RFESD: variants seen among roughly 807,000 people sequenced by gnomAD.
RFESD encodes the protein Rieske domain-containing protein.
In RFESD, 16 loss-of-function variants were observed where a neutral mutation model predicts 24.4. The ratio of observed to expected loss-of-function variants is 0.66; its 90% CI spans 0.44 to 1.00. The LOEUF (loss-of-function observed/expected upper bound fraction) is 1.00, where lower values mean the gene tolerates loss of function less well. Ranked by LOEUF, RFESD falls within the 50% of genes least tolerant of loss-of-function variation. The pLI, the probability that RFESD is intolerant of heterozygous loss-of-function variation, is 0.00. For synonymous variants in RFESD, 59 were observed against 81.8 expected, an observed-to-expected ratio of 0.72 and a Z score of 1.50; for missense variants, 208 against 247.0, an observed-to-expected ratio of 0.84 and a Z score of 1.06.
Position 95,656,900 on chromosome 5 carries a change from T to C in RFESD, c.*591T>C, listed in dbSNP as rs1750795583. On this transcript the variant is annotated 3_prime_UTR_variant, in exon 6 of 6. Coordinates refer to ENST00000380005, the MANE Select transcript of RFESD (RefSeq NM_001131066.2). ...TGTTCACCTCTGAACTGTGCAACCT[T>C]CCTAAATAACAGACTTTTTATACTT... 1 of 152,152 alleles carries C rather than the reference T, an allele frequency of 6.6e-6. No homozygotes were observed. The highest frequency in any genetic ancestry group is 6.5e-5 in the Admixed American group (1 of 15,276). The allele number at this position is 152,152 out of a possible 1,614,324, so 9.4% of individuals were successfully genotyped here.
intron 1 of RFESD, among the ~76,000 whole-genome samples, chr5:95,650,751 T>C (rs1347046790): frequency 2.6e-5 from 4 of 152,122 alleles, no homozygotes; most frequent in Admixed American, 1.3e-4. Context: ...GACTGGCCCA[T>C]AGTGTGTAAC....
At chr5:95,651,211 A>G (rs752485634) in intron 1 of RFESD, among the ~76,000 whole-genome samples, 5 of 152,174 alleles carry the variant, frequency 3.3e-5, no homozygotes, top group Non-Finnish European at 5.9e-5. Flanking sequence ...GGAAAGGTAC[A>G]TTATCATGTT....
chr5:95,649,840 T>G (rs1207371912), intron 1 of RFESD, among the ~76,000 whole-genome samples: 1 of 152,256 alleles, frequency 6.6e-6, no homozygotes, highest in Non-Finnish European at 1.5e-5. Flanking sequence ...CTCAAGAGTT[T>G]GTCAGTTATA....
chr5:95,656,176 G>T lies in RFESD; in HGVS notation c.500G>T (p.Gly167Val), dbSNP rs538142896. 6.2e-7 allele frequency: 1 copy of T among 1,614,034 alleles called. No homozygotes were observed. The highest frequency in any genetic ancestry group is 1.1e-5 in the South Asian group (1 of 91,080). ...GCAAAACCCAAGTGGTGCTCCAAAG[G>T]AATAAAGCAAAGGATTCACACAGTG... ...PSAKPKWCSKGIKQRIHTVTV... is the reference protein window; with the variant it reads ...PSAKPKWCSKVIKQRIHTVTV... Residue 167 changes from glycine (G) to valine (V), a missense_variant, in exon 6 of 6, where the codon GGA (glycine) becomes GTA (valine). By Grantham distance (109) the Gly-to-Val change is moderately radical. Coordinates refer to ENST00000380005, the MANE Select transcript of RFESD (RefSeq NM_001131066.2).
intron 1 of RFESD, among the ~76,000 whole-genome samples, chr5:95,650,508 T>G (rs1750265585): frequency 6.6e-6 from 1 of 152,234 alleles, no homozygotes; most frequent in African/African-American, 2.4e-5. Context: ...ATAAATTCTC[T>G]TTTTCTAAAG....
Position 95,657,286 on chromosome 5 carries a change from G to T in RFESD, c.*977G>T, listed in dbSNP as rs748022086. On this transcript the variant is annotated 3_prime_UTR_variant, in exon 6 of 6. Transcript: ENST00000380005. ...GGTTTTATCATGTCAGTTATTTATGGTCAGTACCATTCAGTTGCAATGATG... is the reference window on the plus strand; with the variant it reads ...GGTTTTATCATGTCAGTTATTTATGTTCAGTACCATTCAGTTGCAATGATG... The T allele has an allele frequency of 6.6e-6, 1 of 151,886 alleles. No individual in the cohort carries two copies. The highest frequency in any genetic ancestry group is 1.5e-5 in the Non-Finnish European group (1 of 67,988). 9.4% of individuals were successfully genotyped at this position (151,886 alleles called of 1,614,324 possible).
chr5:95,651,880 G>T (rs1309160682), intron 1 of RFESD, among the ~76,000 whole-genome samples: 1 of 152,102 alleles, frequency 6.6e-6, no homozygotes, highest in African/African-American at 2.4e-5. Context: ...GAGTAGTAAT[G>T]GTTATATTCT....
Position 95,657,741 on chromosome 5 carries a change from A to G in RFESD, c.*1432A>G, listed in dbSNP as rs534021168. The G allele has an allele frequency of 3.3e-5, 5 of 152,290 alleles. No homozygotes were observed. The highest frequency in any genetic ancestry group is 2.1e-4 in the South Asian group (1 of 4,826). 9.4% of individuals were successfully genotyped at this position (152,290 alleles called of 1,614,324 possible). The stretch of plus-strand genomic sequence containing the variant: ...TTGGTCCTCATTTCTCAGACAACCA[A>G]CGAACCAGACTTGGGCTTTTTATAG... On this transcript the variant is annotated 3_prime_UTR_variant, in exon 6 of 6. Transcript: ENST00000380005.
chr5:95,648,417 G>A (rs1157722851), intron 1 of RFESD, among the ~76,000 whole-genome samples: 1 of 152,042 alleles, frequency 6.6e-6, no homozygotes, highest in African/African-American at 2.4e-5. Context: ...ACTTAAAATC[G>A]AAACATATTG....
intron 1 of RFESD, chr5:95,647,700 T>TA (rs1304388989): frequency 6.6e-6 from 1 of 152,104 alleles, no homozygotes; most frequent in Non-Finnish European, 1.5e-5. Context: ...ATACTATATA[T>TA]ATCACCAATA....
rs1750378956 is a variant in RFESD at position 95,652,212 on chromosome 5, A to G, written c.-60A>G. On this transcript the variant is annotated 5_prime_UTR_variant, in exon 2 of 6. Transcript: ENST00000380005. ...GTGAATGAATTTCATTTGATTAGCAATAGATTGGACACTCTACTGATCTTG... is the reference window on the plus strand; with the variant it reads ...GTGAATGAATTTCATTTGATTAGCAGTAGATTGGACACTCTACTGATCTTG... The G allele has an allele frequency of 2.0e-6, 3 of 1,509,986 alleles. No individual in the cohort carries two copies. The South Asian group carries it at 3.9e-5, about 19-fold the overall frequency. The allele number at this position is 1,509,986 out of a possible 1,614,324, so 93.5% of individuals were successfully genotyped here.
At chr5:95,649,016 A>T (rs1436465808) in intron 1 of RFESD, among the ~76,000 whole-genome samples, 1 of 151,258 alleles carries the variant, frequency 6.6e-6, no homozygotes, top group East Asian at 1.9e-4. Context: ...ACCTATGCAC[A>T]GGCACATTCT....
chr5:95,652,339 C>T lies in RFESD; in HGVS notation c.60+8C>T. The stretch of plus-strand genomic sequence containing the variant: ...TCTACACTTCCTCTCCAAGTGAGTC[C>T]ATAGAATTCTATGACCTGGAAACTC... On this transcript the variant is annotated splice_region_variant and intron_variant, in intron 2 of 5. Coordinates refer to ENST00000380005, the MANE Select transcript of RFESD (RefSeq NM_001131066.2). 6.5e-7 allele frequency: 1 copy of T among 1,550,004 alleles called. No individual in the cohort carries two copies. Among genetic ancestry groups the T allele is most frequent in the Middle Eastern group, 1.7e-4 (1 of 5,988 alleles).
chr5:95,653,323 A>T (rs1462163298), intron 3 of RFESD, 109 bp downstream of exon 3: 2 of 1,453,472 alleles, frequency 1.4e-6, no homozygotes, highest in Non-Finnish European at 9.2e-7. Flanking sequence ...CAAGTGGACC[A>T]CCTTAGCCAA....
At chr5:95,655,076 T>C (rs558160971) in intron 5 of RFESD, among the ~76,000 whole-genome samples, 6 of 152,304 alleles carry the variant, frequency 3.9e-5, no homozygotes, top group Middle Eastern at 3.4e-3. Context: ...CGATGCAAAG[T>C]ACAAGCTTGA....
intron 3 of RFESD, 141 bp downstream of exon 3, chr5:95,653,355 A>G: frequency 8.4e-7 from 1 of 1,193,488 alleles, no homozygotes; most frequent in Non-Finnish European, 1.1e-6. Context: ...CTATTCAGAC[A>G]ATCAAAGAAT....
chr5:95,649,856 T>G (rs780697952), intron 1 of RFESD, among the ~76,000 whole-genome samples: 1 of 152,262 alleles, frequency 6.6e-6, no homozygotes, highest in Non-Finnish European at 1.5e-5. Flanking sequence ...TTATATGTAT[T>G]GCAAATTCCA....
chr5:95,648,336 C>T (rs1234033904), intron 1 of RFESD, among the ~76,000 whole-genome samples: 1 of 152,184 alleles, frequency 6.6e-6, no homozygotes, highest in Non-Finnish European at 1.5e-5. Context: ...ATGTTTTCAA[C>T]TAGCCGTCAA....
rs1261943637 is a variant in RFESD at position 95,646,810 on chromosome 5, C to T, written c.-143C>T. The stretch of plus-strand genomic sequence containing the variant: ...GTCACGCGGAGGCGGAGCGAGGACT[C>T]GGGGACAGTAAGTTCTGTTCTCGCC... On this transcript the variant is annotated 5_prime_UTR_variant, in exon 1 of 6. Transcript: ENST00000380005. The T allele has an allele frequency of 6.6e-6, 1 of 152,322 alleles. No homozygotes were observed. Among genetic ancestry groups the T allele is most frequent in the African/African-American group, 2.4e-5 (1 of 41,452 alleles). The allele number at this position is 152,322 out of a possible 1,614,324, so 9.4% of individuals were successfully genotyped here.
Sources: allele counts gnomAD v4.1 joint callset (sites outside exome capture counted in the v4.1 genomes callset), GRCh38; gene constraint gnomAD v4.1.1; transcripts MANE v1.5; gene names NCBI Gene and HGNC (gene_info 2026-07-23, HGNC 2026-07-21).